The following ZNF804B variants were observed in gnomAD, a reference collection of about 807,000 sequenced individuals.
The protein encoded by ZNF804B is zinc finger 804B.
A neutral mutation model predicts 101.4 loss-of-function variants in ZNF804B; 80 were observed. The observed-to-expected ratio is 0.79, with a 90% CI of 0.66 to 0.95. The LOEUF (loss-of-function observed/expected upper bound fraction) is 0.95. Ranked by LOEUF, ZNF804B falls within the 40% of genes least tolerant of loss-of-function variation. The probability of loss-of-function intolerance (pLI) is 0.00; values close to 1 mark genes in which losing one functional copy is unlikely to be tolerated. For missense variants in ZNF804B, 1,673 were observed against 1,561.9 expected (o/e 1.07, Z -1.20); for synonymous variants, 622 against 558.8 (o/e 1.11, Z -1.59).
intron 1 of ZNF804B, among the ~76,000 whole-genome samples, chr7:89,166,257 T>C (rs1411231222): frequency 1.3e-5 from 2 of 152,306 alleles, no homozygotes; most frequent in East Asian, 1.9e-4. Flanking sequence ...ATTTAACCTT[T>C]GAGCAATGTG....
intron 1 of ZNF804B, among the ~76,000 whole-genome samples, chr7:89,118,317 C>T (rs1790343433): frequency 6.6e-6 from 1 of 152,140 alleles, no homozygotes; most frequent in Non-Finnish European, 1.5e-5. Flanking sequence ...TTTTCTGTCT[C>T]CATGCAGCAC....
intron 1 of ZNF804B, among the ~76,000 whole-genome samples, chr7:88,854,455 C>CTTTCTTTCTT (rs1562812704): frequency 1.6e-5 from 2 of 121,762 alleles, no homozygotes; most frequent in African/African-American, 6.9e-5. Context: ...TTCTTTCTTT[C>CTTTCTTTCTT]TTTCTTTCTT....
chr7:89,182,523 A>G (rs1489605876), intron 1 of ZNF804B, among the ~76,000 whole-genome samples: 1 of 152,174 alleles, frequency 6.6e-6, no homozygotes, highest in East Asian at 1.9e-4. Flanking sequence ...CTAATTAATT[A>G]TCAGAAGCAC....
chr7:89,127,788 A>G (rs1017635964), intron 1 of ZNF804B, among the ~76,000 whole-genome samples: 11 of 151,596 alleles, frequency 7.3e-5, no homozygotes, highest in Admixed American at 2.0e-4. Flanking sequence ...CCATTAAGTA[A>G]TGGCAAAACA....
At chr7:89,171,331 CTT>C (rs56084521) in intron 1 of ZNF804B, among the ~76,000 whole-genome samples, 21 of 129,628 alleles carry the variant, frequency 1.6e-4, no homozygotes, top group African/African-American at 5.4e-4. Context: ...TCTTCTTCTT[CTT>C]CTTCTTCTTC....
intron 1 of ZNF804B, among the ~76,000 whole-genome samples, chr7:89,134,694 C>T (rs1790603743): frequency 6.6e-6 from 1 of 152,050 alleles, no homozygotes; most frequent in Non-Finnish European, 1.5e-5. Flanking sequence ...CTGGAAGATG[C>T]TAGTGCTTGT....
At chr7:89,090,352 G>T (rs1266342865) in intron 1 of ZNF804B, among the ~76,000 whole-genome samples, 1 of 152,010 alleles carries the variant, frequency 6.6e-6, no homozygotes, top group Admixed American at 6.6e-5. Flanking sequence ...AGAAAAAAAT[G>T]TAAGAAGAAA....
intron 1 of ZNF804B, among the ~76,000 whole-genome samples, chr7:88,944,269 C>T (rs1584030770): frequency 1.3e-5 from 2 of 151,678 alleles, no homozygotes; most frequent in Middle Eastern, 6.8e-3. Flanking sequence ...TTGGAATTGC[C>T]ATTAAAAAAT....
At chr7:89,161,511 C>G (rs565183964) in intron 1 of ZNF804B, among the ~76,000 whole-genome samples, 1 of 98,792 alleles carries the variant, frequency 1.0e-5, no homozygotes, top group African/African-American at 3.2e-5. Flanking sequence ...ATACTGTAGA[C>G]TATTGAGATC....
intron 1 of ZNF804B, among the ~76,000 whole-genome samples, chr7:88,822,218 G>A (rs1332000322): frequency 6.6e-6 from 1 of 152,090 alleles, no homozygotes; most frequent in African/African-American, 2.4e-5. Context: ...TTCTGAAATA[G>A]CCTTGGTTGT....
At chr7:88,782,093 G>A (rs62462035) in intron 1 of ZNF804B, among the ~76,000 whole-genome samples, 2 of 133,502 alleles carry the variant, frequency 1.5e-5, no homozygotes, top group Non-Finnish European at 3.1e-5. Flanking sequence ...CCCAGCTTTT[G>A]TGTGAGTGCG....
chr7:88,945,164 A>G (rs902389608), intron 1 of ZNF804B, among the ~76,000 whole-genome samples: 1 of 152,006 alleles, frequency 6.6e-6, no homozygotes, highest in Admixed American at 6.6e-5. Flanking sequence ...GTCTTTGCAC[A>G]TGTCTATGTC....
At chr7:88,988,261 A>G (rs773791398) in intron 1 of ZNF804B, among the ~76,000 whole-genome samples, 14 of 152,084 alleles carry the variant, frequency 9.2e-5, no homozygotes, top group Non-Finnish European at 1.6e-4. Context: ...GTGGATTCAC[A>G]TACAAATAAA....
chr7:88,783,686 G>A (rs905901627), intron 1 of ZNF804B, among the ~76,000 whole-genome samples: 1 of 152,080 alleles, frequency 6.6e-6, no homozygotes, highest in Non-Finnish European at 1.5e-5. Flanking sequence ...AATAATATGG[G>A]AATGGTAAAA....
chr7:89,095,008 T>C (rs953151150), intron 1 of ZNF804B, among the ~76,000 whole-genome samples: 5 of 152,204 alleles, frequency 3.3e-5, no homozygotes. Context: ...AAAACTCTTA[T>C]AATGTGCTCT....
At chr7:89,000,516 A>C (rs950241165) in intron 1 of ZNF804B, among the ~76,000 whole-genome samples, 25 of 152,018 alleles carry the variant, frequency 1.6e-4, no homozygotes, top group Admixed American at 1.6e-3. Context: ...TTTGATATAC[A>C]TATATTTCGT....
At chr7:88,836,233 T>A (rs1791213403) in intron 1 of ZNF804B, among the ~76,000 whole-genome samples, 1 of 151,974 alleles carries the variant, frequency 6.6e-6, no homozygotes, top group African/African-American at 2.4e-5. Flanking sequence ...CATTTTCTAG[T>A]AGATAAATTG....
At chr7:89,198,629 A>G (rs1055193076) in intron 1 of ZNF804B, among the ~76,000 whole-genome samples, 3 of 152,030 alleles carry the variant, frequency 2.0e-5, no homozygotes, top group African/African-American at 7.2e-5. Flanking sequence ...ATTAAACATT[A>G]TTTATTGTTC....
At chr7:88,885,208 T>A (rs1249948101) in intron 1 of ZNF804B, among the ~76,000 whole-genome samples, 1 of 151,950 alleles carries the variant, frequency 6.6e-6, no homozygotes, top group Non-Finnish European at 1.5e-5. Flanking sequence ...TTATATTACA[T>A]TATCTGCTAC....
Sources: gnomAD v4.1 joint callset for allele counts (sites outside exome capture counted in the v4.1 genomes callset) on GRCh38, gnomAD v4.1.1 for gene constraint, MANE v1.5 for transcripts, NCBI Gene and HGNC (gene_info 2026-07-23, HGNC 2026-07-21) for gene names.